HDAC9: variants seen among roughly 807,000 people sequenced by gnomAD.
HDAC9 encodes the protein histone deacetylase 9.
A neutral mutation model predicts 139.4 loss-of-function variants in HDAC9; 41 were observed. The observed-to-expected ratio is 0.29, with a 90% CI of 0.23 to 0.38. The LOEUF (loss-of-function observed/expected upper bound fraction) is 0.38. HDAC9 is among the 10% of genes least tolerant of loss of function. The pLI, the probability that HDAC9 is intolerant of heterozygous loss-of-function variation, is 1.00. For synonymous variants in HDAC9, 517 were observed against 476.2 expected, an observed-to-expected ratio of 1.09 and a Z score of -1.12; for missense variants, 1,147 against 1,297.0, an observed-to-expected ratio of 0.88 and a Z score of 1.78.
intron 1 of HDAC9, among the ~76,000 whole-genome samples, chr7:18,487,043 C>A (rs541120903): frequency 1.3e-5 from 2 of 152,128 alleles, no homozygotes; most frequent in Admixed American, 6.6e-5. Flanking sequence ...TATGGTGCAC[C>A]AGCAAGGGCT....
intron 22 of HDAC9, among the ~76,000 whole-genome samples, chr7:18,921,420 T>C (rs896400412): frequency 1.9e-4 from 29 of 152,226 alleles, no homozygotes; most frequent in African/African-American, 7.0e-4. Flanking sequence ...GGGTGAAGGA[T>C]ATGAACAGAC....
intron 25 of HDAC9, among the ~76,000 whole-genome samples, chr7:18,991,598 T>C (rs867042207): frequency 1.7e-4 from 26 of 151,312 alleles, no homozygotes; most frequent in Admixed American, 3.3e-4. Flanking sequence ...GATGGTGCCA[T>C]TGCACTCCAG....
At chr7:18,215,149 A>G (rs1792211736) in intron 2 of HDAC9, among the ~76,000 whole-genome samples, 1 of 152,166 alleles carries the variant, frequency 6.6e-6, no homozygotes, top group Non-Finnish European at 1.5e-5. Flanking sequence ...CTATTAGACA[A>G]TTTTATATCC....
chr7:18,883,097 A>G lies in HDAC9; in HGVS notation c.2803+8501A>G, dbSNP rs567414527. ...AGCATTATTATTTTGTGATGAGGATACCTCAGTCATTGCTTGCCTAAAAAC... is the reference window on the plus strand; with the variant it reads ...AGCATTATTATTTTGTGATGAGGATGCCTCAGTCATTGCTTGCCTAAAAAC... On this transcript the variant is annotated intron_variant, in intron 22 of 25. Transcript: ENST00000686413. Among the ~76,000 whole-genome samples, 89 of 152,256 alleles carry G rather than the reference A, an allele frequency of 5.8e-4. 2 individuals are homozygous for G. The South Asian group carries it at 0.013, about 23-fold the overall frequency.
Position 18,255,700 on chromosome 7 carries a change from C to T in HDAC9, c.25+93351C>T, listed in dbSNP as rs114227355. 4.6e-3 allele frequency among the ~76,000 whole-genome samples: 650 copies of T among 140,480 alleles called. 4 individuals carry two copies. The highest frequency in any genetic ancestry group is 0.016 in the African/African-American group (611 of 37,598). 92.2% of individuals were successfully genotyped at this position (140,480 alleles called of 152,430 possible). ...CGGGCGCGCGGTGACGTGATTTCGG[C>T]TCACTGCACCCTCTGCCTCCAGGTT... On this transcript the variant is annotated intron_variant, in intron 2 of 12. Coordinates refer to the HDAC9 transcript ENST00000417496.
At chr7:18,516,583 G>A (rs1419693736) in intron 2 of HDAC9, among the ~76,000 whole-genome samples, 1 of 152,118 alleles carries the variant, frequency 6.6e-6, no homozygotes, top group Non-Finnish European at 1.5e-5. Context: ...TATTAGGCTG[G>A]GTGCAGTGGT....
chr7:18,600,328 G>T (rs1212855359), intron 6 of HDAC9, among the ~76,000 whole-genome samples: 1 of 151,952 alleles, frequency 6.6e-6, no homozygotes, highest in Non-Finnish European at 1.5e-5. Context: ...TCCTTTCATC[G>T]ATCATGCTTT....
intron 1 of HDAC9, among the ~76,000 whole-genome samples, chr7:18,152,498 A>G (rs1319599249): frequency 6.6e-6 from 1 of 152,158 alleles, no homozygotes; most frequent in Non-Finnish European, 1.5e-5. Flanking sequence ...GTTAAGAATC[A>G]CCATGGAAAC....
Position 18,252,814 on chromosome 7 carries a change from A to G in HDAC9, c.25+90465A>G, listed in dbSNP as rs113808648. Among the ~76,000 whole-genome samples the G allele has an allele frequency of 1.1e-3, 173 of 152,190 alleles. 1 individual carries two copies. The highest frequency in any genetic ancestry group is 1.3e-3 in the Non-Finnish European group (88 of 68,002). Reference sequence around the variant, plus strand: ...AATTTAACTCCCAAACCACAATCTTACATAGGTAGACTTGCACCACGGGAC... The same window carrying G: ...AATTTAACTCCCAAACCACAATCTTGCATAGGTAGACTTGCACCACGGGAC... On this transcript the variant is annotated intron_variant, in intron 2 of 12. Transcript: ENST00000417496.
chr7:18,969,058 C>CCACACACA (rs145223691), intron 24 of HDAC9, among the ~76,000 whole-genome samples: 4 of 147,434 alleles, frequency 2.7e-5, no homozygotes, highest in African/African-American at 9.9e-5. Context: ...GATGAAGTTG[C>CCACACACA]CACACACACA....
chr7:18,692,743 C>A (rs1232900037), intron 12 of HDAC9, among the ~76,000 whole-genome samples: 1 of 152,016 alleles, frequency 6.6e-6, no homozygotes, highest in Non-Finnish European at 1.5e-5. Context: ...AGGGCTCTGA[C>A]AATCTAATGT....
rs1023146735 is a variant in HDAC9, at chr7:18,692,304, G to A, written c.1731+25828G>A. Reference sequence around the variant, plus strand: ...CTATGTAAGCTTTGTGGAGACACCCGGAGTACTTTAGCAAACTGGTGGCTC... The same window carrying A: ...CTATGTAAGCTTTGTGGAGACACCCAGAGTACTTTAGCAAACTGGTGGCTC... On this transcript the variant is annotated intron_variant, in intron 12 of 25. Transcript: ENST00000686413. Among the ~76,000 whole-genome samples the A allele has an allele frequency of 5.3e-5, 8 of 152,068 alleles. No individual in the cohort carries two copies. The East Asian group carries it at 9.7e-4, about 18-fold the overall frequency.
chr7:18,695,955 T>A (rs948803663), intron 12 of HDAC9, among the ~76,000 whole-genome samples: 26 of 152,346 alleles, frequency 1.7e-4, no homozygotes, highest in African/African-American at 5.8e-4. Flanking sequence ...AAAAGTTTTA[T>A]GTAACTATTT....
In HDAC9 at chr7:18,210,573, C is replaced by A. The variant is rs899940824; in HGVS notation, c.25+48224C>A. On this transcript the variant is annotated intron_variant, in intron 2 of 12. Transcript: ENST00000417496. The stretch of plus-strand genomic sequence containing the variant: ...CCAGTTACTTCCTTTTCTTACTTTG[C>A]ACTCTGTGACACATAGACTTCCAGA... 1.2e-4 allele frequency among the ~76,000 whole-genome samples: 18 copies of A among 152,322 alleles called. 1 individual carries two copies. The South Asian group carries it at 3.5e-3, about 30-fold the overall frequency.
intron 2 of HDAC9, chr7:18,505,936 T>C (rs941696654): frequency 2.6e-5 from 4 of 152,232 alleles, no homozygotes; most frequent in African/African-American, 9.6e-5. Flanking sequence ...ATTCTTAGCC[T>C]CGGTATTTCT....
intron 1 of HDAC9, among the ~76,000 whole-genome samples, chr7:18,446,100 C>T (rs1792267215): frequency 6.6e-6 from 1 of 152,172 alleles, no homozygotes; most frequent in Admixed American, 6.5e-5. Flanking sequence ...GTCGTCTGGC[C>T]AGCAAAGAGG....
intron 6 of HDAC9, among the ~76,000 whole-genome samples, chr7:18,611,152 CA>C (rs1245185111): frequency 2.0e-5 from 3 of 152,072 alleles, no homozygotes; most frequent in Non-Finnish European, 4.4e-5. Flanking sequence ...AATGTAATAG[CA>C]AGAAGAGCAT....
At chr7:18,098,682 C>T (rs1039102148) in intron 1 of HDAC9, among the ~76,000 whole-genome samples, 10 of 152,124 alleles carry the variant, frequency 6.6e-5, no homozygotes, top group African/African-American at 2.4e-4. Context: ...TTGGAACCTA[C>T]CTTTCCCTCA....
intron 22 of HDAC9, among the ~76,000 whole-genome samples, chr7:18,893,644 C>G (rs1173952725): frequency 6.6e-6 from 1 of 152,162 alleles, no homozygotes; most frequent in African/African-American, 2.4e-5. Context: ...TGCATCGTCA[C>G]TGAAAGTTCT....
Sources: gnomAD v4.1 joint callset for allele counts (sites outside exome capture counted in the v4.1 genomes callset) on GRCh38, gnomAD v4.1.1 for gene constraint, MANE v1.5 for transcripts, NCBI Gene and HGNC (gene_info 2026-07-23, HGNC 2026-07-21) for gene names.